The following MRTFA variants were observed in gnomAD, a reference collection of about 807,000 sequenced individuals.
The protein encoded by MRTFA is myocardin-related transcription factor A.
Under a neutral mutation model 83.5 loss-of-function variants are expected in MRTFA, and 20 were observed. The observed-to-expected ratio is 0.24, with a 90% CI of 0.17 to 0.35. MRTFA has a LOEUF of 0.35. MRTFA is among the 10% of genes least tolerant of loss of function. MRTFA has a pLI of 1.00. For synonymous variants in MRTFA, 659 were observed against 541.2 expected, an observed-to-expected ratio of 1.22 and a Z score of -3.02; for missense variants, 1,200 against 1,224.7, an observed-to-expected ratio of 0.98 and a Z score of 0.30.
At chr22:40,553,681 A>G (rs1005768476) in intron 2 of MRTFA, among the ~76,000 whole-genome samples, 1 of 152,170 alleles carries the variant, frequency 6.6e-6, no homozygotes, top group Non-Finnish European at 1.5e-5. Context: ...GAGAACCTCT[A>G]CTAGGGCAGT....
At chr22:40,608,735 A>G (rs765558465) in intron 1 of MRTFA, among the ~76,000 whole-genome samples, 1 of 152,224 alleles carries the variant, frequency 6.6e-6, no homozygotes, top group African/African-American at 2.4e-5. Flanking sequence ...CCCTAGGGAT[A>G]CTAGTGATGA....
intron 3 of MRTFA, among the ~76,000 whole-genome samples, chr22:40,478,538 T>G (rs2054035932): frequency 6.6e-6 from 1 of 152,186 alleles, no homozygotes; most frequent in Non-Finnish European, 1.5e-5. Context: ...GAGAGCAAAC[T>G]GTTTTCCTTT....
At chr22:40,619,874 A>T (rs1285404205) in intron 1 of MRTFA, among the ~76,000 whole-genome samples, 1 of 139,848 alleles carries the variant, frequency 7.2e-6, no homozygotes, top group Non-Finnish European at 1.5e-5. Flanking sequence ...TGGGCAACAG[A>T]GCGAAACTCC....
intron 1 of MRTFA, among the ~76,000 whole-genome samples, chr22:40,636,155 C>T (rs1192124886): frequency 6.6e-6 from 1 of 152,244 alleles, no homozygotes; most frequent in Non-Finnish European, 1.5e-5. Context: ...GCAATCAAAA[C>T]ACATCCCGGG....
At chr22:40,633,827 T>C (rs1049748136) in intron 1 of MRTFA, among the ~76,000 whole-genome samples, 1 of 152,166 alleles carries the variant, frequency 6.6e-6, no homozygotes, top group African/African-American at 2.4e-5. Flanking sequence ...AATGATAATA[T>C]GGGTAGAACT....
At chr22:40,454,019 C>A (rs1032090780) in intron 4 of MRTFA, among the ~76,000 whole-genome samples, 1 of 152,198 alleles carries the variant, frequency 6.6e-6, no homozygotes, top group African/African-American at 2.4e-5. Context: ...AGAGTAGTAC[C>A]ATGCTGACTA....
chr22:40,612,955 CAAT>C (rs2056403858), intron 1 of MRTFA, among the ~76,000 whole-genome samples: 1 of 152,162 alleles, frequency 6.6e-6, no homozygotes, highest in Non-Finnish European at 1.5e-5. Context: ...CCAAAAACAA[CAAT>C]AACAAGGACA....
At chr22:40,597,572 A>T (rs2056208705) in intron 1 of MRTFA, among the ~76,000 whole-genome samples, 1 of 152,232 alleles carries the variant, frequency 6.6e-6, no homozygotes, top group Non-Finnish European at 1.5e-5. Context: ...CAAATTTAGA[A>T]GTCCAATACA....
At chr22:40,451,828 G>A (rs2053492323) in intron 4 of MRTFA, among the ~76,000 whole-genome samples, 1 of 152,042 alleles carries the variant, frequency 6.6e-6, no homozygotes, top group African/African-American at 2.4e-5. Context: ...TTGGCAAAGT[G>A]CAAACCAATT....
chr22:40,447,798 T>C (rs2053410241), intron 4 of MRTFA, among the ~76,000 whole-genome samples: 1 of 152,186 alleles, frequency 6.6e-6, no homozygotes, highest in Admixed American at 6.5e-5. Flanking sequence ...TGAGATCACA[T>C]CCTAATCAAC....
chr22:40,474,891 T>C (rs1569285957), intron 3 of MRTFA, among the ~76,000 whole-genome samples: 1 of 152,102 alleles, frequency 6.6e-6, no homozygotes. Context: ...CAGGCTGGAG[T>C]GCAGTGGCAT....
chr22:40,438,931 G>A (rs1349320982), intron 4 of MRTFA, among the ~76,000 whole-genome samples: 1 of 152,122 alleles, frequency 6.6e-6, no homozygotes, highest in African/African-American at 2.4e-5. Context: ...GGCAAGAAAG[G>A]GATTAATATC....
chr22:40,455,046 T>C (rs1179422929), intron 4 of MRTFA, among the ~76,000 whole-genome samples: 1 of 152,196 alleles, frequency 6.6e-6, no homozygotes, highest in South Asian at 2.1e-4. Flanking sequence ...GAGACCTTCC[T>C]GCCTTGGCCT....
At chr22:40,444,226 T>C (rs2147116011) in intron 4 of MRTFA, among the ~76,000 whole-genome samples, 1 of 152,112 alleles carries the variant, frequency 6.6e-6, no homozygotes, top group East Asian at 1.9e-4. Flanking sequence ...TGAACCAGAA[T>C]ACAGAATAGA....
At chr22:40,473,481 T>C (rs914156692) in intron 3 of MRTFA, among the ~76,000 whole-genome samples, 1 of 152,164 alleles carries the variant, frequency 6.6e-6, no homozygotes, top group South Asian at 2.1e-4. Flanking sequence ...TAAAAGTAGT[T>C]TCGGATGGTA....
At chr22:40,518,798 A>G (rs1165138792) in intron 3 of MRTFA, among the ~76,000 whole-genome samples, 1 of 146,424 alleles carries the variant, frequency 6.8e-6, no homozygotes, top group East Asian at 2.0e-4. Flanking sequence ...CTGTCTCCAA[A>G]AAAAAAAAAA....
chr22:40,610,283 G>A (rs2147412003), intron 1 of MRTFA, among the ~76,000 whole-genome samples: 1 of 152,088 alleles, frequency 6.6e-6, no homozygotes, highest in East Asian at 1.9e-4. Context: ...CCTGACCTGA[G>A]ATGATCCACC....
intron 1 of MRTFA, among the ~76,000 whole-genome samples, chr22:40,618,547 G>A (rs2056482901): frequency 6.6e-6 from 1 of 152,138 alleles, no homozygotes; most frequent in African/African-American, 2.4e-5. Flanking sequence ...GGAAACCAAT[G>A]GGGTTGCCAC....
At chr22:40,451,771 C>T in intron 4 of MRTFA, among the ~76,000 whole-genome samples, 1 of 152,092 alleles carries the variant, frequency 6.6e-6, no homozygotes, top group East Asian at 1.9e-4. Flanking sequence ...CATACCACAG[C>T]CCAGTCTAAG....
Sources: allele counts gnomAD v4.1 joint callset (sites outside exome capture counted in the v4.1 genomes callset), GRCh38; gene constraint gnomAD v4.1.1; transcripts MANE v1.5; gene names NCBI Gene and HGNC (gene_info 2026-07-23, HGNC 2026-07-21).